Variants in PLD5 observed in about 807,000 individuals in gnomAD.
The protein encoded by PLD5 is inactive phospholipase D5.
In PLD5, 36 loss-of-function variants were observed where a neutral mutation model predicts 61.1. The observed-to-expected ratio is 0.59, with a 90% confidence interval of 0.45 to 0.78. The LOEUF is 0.78. Ranked by LOEUF, PLD5 falls within the 30% of genes least tolerant of loss-of-function variation. The pLI, the probability that PLD5 is intolerant of heterozygous loss-of-function variation, is 0.00. For missense variants in PLD5, 515 were observed against 644.4 expected (o/e 0.80, Z 2.17); for synonymous variants, 243 against 242.8 (o/e 1.00, Z -0.01).
intron 2 of PLD5, among the ~76,000 whole-genome samples, chr1:242,321,269 G>C (rs1216937704): frequency 6.6e-6 from 1 of 150,724 alleles, no homozygotes; most frequent in Non-Finnish European, 1.5e-5. Context: ...AAGAAAAAAA[G>C]CATTTACCAT....
chr1:242,215,776 G>A (rs1253962366), intron 5 of PLD5, among the ~76,000 whole-genome samples: 1 of 152,182 alleles, frequency 6.6e-6, no homozygotes, highest in East Asian at 1.9e-4. Context: ...ACAGAATGCT[G>A]AAGAAGACAA....
chr1:242,301,343 T>C (rs955228164), intron 2 of PLD5, among the ~76,000 whole-genome samples: 5 of 152,202 alleles, frequency 3.3e-5, no homozygotes, highest in Admixed American at 2.0e-4. Context: ...TGTCAATCTG[T>C]TCAGGAAGAA....
intron 1 of PLD5, among the ~76,000 whole-genome samples, chr1:242,480,649 A>C (rs1000311096): frequency 6.6e-6 from 1 of 152,018 alleles, no homozygotes; most frequent in African/African-American, 2.4e-5. Flanking sequence ...CTTAATATTA[A>C]TAATAAGACC....
At chr1:242,403,132 C>G (rs1664034042) in intron 1 of PLD5, among the ~76,000 whole-genome samples, 1 of 152,194 alleles carries the variant, frequency 6.6e-6, no homozygotes, top group Non-Finnish European at 1.5e-5. Context: ...TGAGGCGGTG[C>G]CTTTGGCATG....
intron 5 of PLD5, among the ~76,000 whole-genome samples, chr1:242,155,975 G>T (rs972486670): frequency 6.6e-6 from 1 of 152,126 alleles, no homozygotes. Context: ...CTATTATTGT[G>T]TGGGAGTCTA....
At chr1:242,348,826 G>A (rs1167598013) in intron 1 of PLD5, among the ~76,000 whole-genome samples, 6 of 152,202 alleles carry the variant, frequency 3.9e-5, no homozygotes, top group East Asian at 1.9e-4. Flanking sequence ...AGGCCAAGGC[G>A]GGCAGATCAT....
In PLD5 at chr1:242,280,875, T is replaced by A. The variant is rs138447736; in HGVS notation, c.495+7487A>T. ...CTTCTGGGTTTCAGGCATAGCCCTG[T>A]GTTACAAAGTAGATGCTGACTGTTT... On this transcript the variant is annotated intron_variant, in intron 3 of 9. Coordinates refer to ENST00000536534, the MANE Select transcript of PLD5 (RefSeq NM_001372062.1). 8.7e-4 allele frequency among the ~76,000 whole-genome samples: 132 copies of A among 152,342 alleles called. 1 individual carries two copies. Among genetic ancestry groups the A allele is most frequent in the African/African-American group, 3.0e-3 (126 of 41,582 alleles).
chr1:242,103,030 G>A (rs1660801010), intron 8 of PLD5, among the ~76,000 whole-genome samples: 1 of 152,204 alleles, frequency 6.6e-6, no homozygotes, highest in Non-Finnish European at 1.5e-5. Context: ...CAGGTGTGCT[G>A]TGGGGGTCAA....
chr1:242,135,784 G>A (rs1663671613), intron 5 of PLD5, among the ~76,000 whole-genome samples: 1 of 152,018 alleles, frequency 6.6e-6, no homozygotes, highest in African/African-American at 2.4e-5. Context: ...ACTCTCCCAG[G>A]GTTTCTACTT....
chr1:242,165,474 A>G (rs1201170045), intron 5 of PLD5, among the ~76,000 whole-genome samples: 1 of 151,038 alleles, frequency 6.6e-6, no homozygotes, highest in Admixed American at 6.6e-5. Flanking sequence ...AAAACCTGCC[A>G]GCAACCAGTG....
At chr1:242,508,875 G>A (rs1668813828) in intron 1 of PLD5, among the ~76,000 whole-genome samples, 2 of 152,210 alleles carry the variant, frequency 1.3e-5, no homozygotes, top group Non-Finnish European at 2.9e-5. Context: ...GAGATCAGGA[G>A]CTCAAAGTCA....
At chr1:242,215,639 T>C (rs1476654600) in intron 5 of PLD5, among the ~76,000 whole-genome samples, 1 of 152,176 alleles carries the variant, frequency 6.6e-6, no homozygotes, top group Non-Finnish European at 1.5e-5. Context: ...CTTTGGATTC[T>C]AGCACAACGC....
At chr1:242,420,502 A>C (rs1033934292) in intron 1 of PLD5, among the ~76,000 whole-genome samples, 1 of 152,180 alleles carries the variant, frequency 6.6e-6, no homozygotes, top group Non-Finnish European at 1.5e-5. Flanking sequence ...CATTATCTTA[A>C]TAGTAGTTAA....
intron 4 of PLD5, among the ~76,000 whole-genome samples, chr1:242,233,727 A>T (rs1349713347): frequency 2.0e-5 from 3 of 152,188 alleles, no homozygotes; most frequent in African/African-American, 7.2e-5. Context: ...TCCAATACAC[A>T]TGAAAAATAA....
chr1:242,484,790 C>T lies in PLD5; in HGVS notation c.189+39298G>A, dbSNP rs186904507. On this transcript the variant is annotated intron_variant, in intron 1 of 9. Transcript: ENST00000536534. The stretch of plus-strand genomic sequence containing the variant: ...ATTTTAGACCAATATCCCTGATGAA[C>T]ATCGATGCAAAAATCCTCAATAAAA... Among the ~76,000 whole-genome samples the T allele has an allele frequency of 1.3e-3, 193 of 152,288 alleles. 2 individuals carry two copies. The highest frequency in any genetic ancestry group is 4.6e-3 in the African/African-American group (191 of 41,552).
At chr1:242,284,693 C>T (rs1674920890) in intron 3 of PLD5, among the ~76,000 whole-genome samples, 2 of 152,182 alleles carry the variant, frequency 1.3e-5, no homozygotes, top group Admixed American at 6.5e-5. Context: ...CACCAACAAA[C>T]TAGAAAAACT....
intron 1 of PLD5, among the ~76,000 whole-genome samples, chr1:242,433,310 AG>A (rs1665820284): frequency 6.6e-6 from 1 of 152,218 alleles, no homozygotes; most frequent in Admixed American, 6.5e-5. Flanking sequence ...AGTGAAAAGT[AG>A]GTGTCTCTGT....
intron 4 of PLD5, among the ~76,000 whole-genome samples, chr1:242,233,205 T>C (rs547609916): frequency 1.0e-4 from 15 of 148,574 alleles, no homozygotes; most frequent in Admixed American, 2.7e-4. Flanking sequence ...AAAAGGCTTA[T>C]TCATGTTAAT....
chr1:242,513,573 G>C (rs1669004881), intron 1 of PLD5, among the ~76,000 whole-genome samples: 1 of 152,214 alleles, frequency 6.6e-6, no homozygotes, highest in African/African-American at 2.4e-5. Flanking sequence ...AAGACAACCA[G>C]ATCATAAGTA....
Sources: allele counts gnomAD v4.1 joint callset (sites outside exome capture counted in the v4.1 genomes callset), GRCh38; gene constraint gnomAD v4.1.1; transcripts MANE v1.5; gene names NCBI Gene and HGNC (gene_info 2026-07-23, HGNC 2026-07-21).